Variants in CCDC171 observed in about 807,000 individuals in gnomAD.
CCDC171 encodes the protein coiled-coil domain containing 171, also known as coiled-coil domain-containing protein 171.
Under a neutral mutation model 168.2 loss-of-function variants are expected in CCDC171, and 177 were observed. That is an observed-to-expected ratio of 1.05 (90% CI 0.93 to 1.19). The LOEUF is 1.19. Among genes scored for constraint, CCDC171 ranks in the 50% most tolerant of loss-of-function variants. The pLI, the probability that CCDC171 is intolerant of heterozygous loss-of-function variation, is 0.00. For missense variants in CCDC171, 1,991 were observed against 1,539.0 expected (o/e 1.29, Z -4.91); for synonymous variants, 687 against 540.8 (o/e 1.27, Z -3.75).
chr9:15,631,235 T>C (rs1191530209), intron 7 of CCDC171, among the ~76,000 whole-genome samples: 3 of 151,802 alleles, frequency 2.0e-5, no homozygotes. Flanking sequence ...ATCCAGAAGC[T>C]GGTTTTTTGA....
chr9:15,570,889 A>C (rs2040172028), intron 2 of CCDC171, among the ~76,000 whole-genome samples: 1 of 152,228 alleles, frequency 6.6e-6, no homozygotes, highest in Non-Finnish European at 1.5e-5. Context: ...TATCCTCTCC[A>C]GGGAATAAAC....
Position 15,777,688 on chromosome 9 carries a change from G to C in CCDC171, c.2760G>C (p.Met920Ile). 6.2e-7 allele frequency: 1 copy of C among 1,613,852 alleles called. No homozygotes were observed. Among genetic ancestry groups the C allele is most frequent in the Non-Finnish European group, 8.5e-7 (1 of 1,179,828 alleles). ...TCATGGATAAAATTAGTCTGGTAAT[G>C]GAATGTATACCTCTGCACAGTAGCA... is the stretch of plus-strand genomic sequence containing the variant. ...AKLMDKISLVMECIPLHSSRS... is the reference protein window; with the variant it reads ...AKLMDKISLVIECIPLHSSRS... The change falls in exon 19 of 26, where the codon ATG (methionine) becomes ATC (isoleucine). Residue 920 changes from methionine to isoleucine, a missense_variant. Physicochemically the swap from Met to Ile is conservative, Grantham distance 10 (BLOSUM62 1). Transcript: ENST00000380701.
chr9:15,969,105 G>A (rs948880721), intron 25 of CCDC171, among the ~76,000 whole-genome samples: 1 of 152,134 alleles, frequency 6.6e-6, no homozygotes, highest in Non-Finnish European at 1.5e-5. Context: ...TCAGAAAATA[G>A]TGTGCAAAAA....
At chr9:15,982,620 G>C (rs187770352) in intron 3 of CCDC171, among the ~76,000 whole-genome samples, 29 of 152,224 alleles carry the variant, frequency 1.9e-4, no homozygotes, top group African/African-American at 6.0e-4. Context: ...CCTCTCCTCT[G>C]TTCCTGGGGG....
At chr9:15,711,676 T>C (rs535180839) in intron 11 of CCDC171, among the ~76,000 whole-genome samples, 25 of 152,186 alleles carry the variant, frequency 1.6e-4, no homozygotes, top group Non-Finnish European at 3.2e-4. Flanking sequence ...CCTTATGCAA[T>C]TGTGGGAGGA....
downstream of CCDC171, among the ~76,000 whole-genome samples, chr9:16,064,119 C>G (rs1279366637): frequency 1.3e-5 from 2 of 152,228 alleles, no homozygotes; most frequent in Non-Finnish European, 2.9e-5. Context: ...TAGGCCACCT[C>G]CAACCTAAAT....
At position 15,929,934 on chromosome 9, in the gene CCDC171, G is replaced by A. The variant is rs386471358; in HGVS notation, c.3753+9512G>A. Among the ~76,000 whole-genome samples, 252 of 151,546 alleles carry A rather than the reference G, an allele frequency of 1.7e-3. 1 individual carries two copies. The highest frequency in any genetic ancestry group is 1.9e-3 in the Non-Finnish European group (128 of 67,726). The stretch of plus-strand genomic sequence containing the variant: ...ACTCCTTCTGGTTTTTTTCACCATT[G>A]TTCAATTGGCAGAAGAAGTAAGAGT... On this transcript the variant is annotated intron_variant, in intron 25 of 25. Coordinates refer to ENST00000380701, the MANE Select transcript of CCDC171 (RefSeq NM_173550.4).
chr9:15,737,076 A>T (rs1323386027), intron 16 of CCDC171, among the ~76,000 whole-genome samples: 2 of 150,086 alleles, frequency 1.3e-5, no homozygotes, highest in African/African-American at 4.9e-5. Flanking sequence ...TATTTCTCGG[A>T]TTTTTTTTTT....
intron 24 of CCDC171, among the ~76,000 whole-genome samples, chr9:15,903,630 C>T (rs181059806): frequency 1.3e-5 from 2 of 152,288 alleles, no homozygotes; most frequent in East Asian, 3.9e-4. Context: ...CTCTCCTCCT[C>T]CAAAGGAACT....
chr9:15,859,618 T>G (rs1291699007), intron 23 of CCDC171, among the ~76,000 whole-genome samples: 2 of 140,530 alleles, frequency 1.4e-5, no homozygotes, highest in Non-Finnish European at 3.1e-5. Flanking sequence ...TTTCCCCCTC[T>G]GCCCCCACCC....
intron 21 of CCDC171, among the ~76,000 whole-genome samples, chr9:15,789,072 C>T (rs575130365): frequency 1.3e-5 from 2 of 152,088 alleles, no homozygotes; most frequent in Non-Finnish European, 2.9e-5. Context: ...TCAAAGTTAA[C>T]ACCGTGAGTA....
chr9:15,753,431 A>G (rs1311937486), intron 18 of CCDC171, among the ~76,000 whole-genome samples: 1 of 152,106 alleles, frequency 6.6e-6, no homozygotes, highest in African/African-American at 2.4e-5. Flanking sequence ...AATAAAGGAT[A>G]TTTTCCATTA....
chr9:15,960,669 C>G (rs1830249594), intron 25 of CCDC171, among the ~76,000 whole-genome samples: 1 of 152,148 alleles, frequency 6.6e-6, no homozygotes, highest in Non-Finnish European at 1.5e-5. Context: ...TCATTGCCAA[C>G]TAAGTGATTT....
At chr9:15,580,781 G>A (rs1014169957) in intron 4 of CCDC171, among the ~76,000 whole-genome samples, 1 of 152,058 alleles carries the variant, frequency 6.6e-6, no homozygotes, top group African/African-American at 2.4e-5. Context: ...ACTGCTGGTG[G>A]GAATGTAAAT....
intron 23 of CCDC171, among the ~76,000 whole-genome samples, chr9:15,869,532 T>G (rs2061940566): frequency 6.6e-6 from 1 of 151,764 alleles, no homozygotes; most frequent in African/African-American, 2.4e-5. Context: ...TTGTTTGTTT[T>G]TGTTTTTTTT....
intron 11 of CCDC171, among the ~76,000 whole-genome samples, chr9:15,710,723 G>C (rs1029919158): frequency 6.6e-6 from 1 of 152,038 alleles, no homozygotes; most frequent in African/African-American, 2.4e-5. Flanking sequence ...ATCCTCCCGC[G>C]TACCTGAGAC....
chr9:15,627,861 C>A (rs965646014), intron 7 of CCDC171, among the ~76,000 whole-genome samples: 2 of 152,100 alleles, frequency 1.3e-5, no homozygotes, highest in African/African-American at 4.8e-5. Flanking sequence ...GAGTTCAATT[C>A]CTGGATATCC....
At chr9:15,586,693 G>C (rs553446365) in intron 4 of CCDC171, among the ~76,000 whole-genome samples, 14 of 152,182 alleles carry the variant, frequency 9.2e-5, no homozygotes, top group Non-Finnish European at 1.9e-4. Context: ...AAGTCAGGAG[G>C]TTTAATCCCT....
At chr9:15,678,249 A>G (rs2049781770) in intron 9 of CCDC171, among the ~76,000 whole-genome samples, 1 of 151,964 alleles carries the variant, frequency 6.6e-6, no homozygotes, top group African/African-American at 2.4e-5. Flanking sequence ...GAATCCTTTG[A>G]AAAGAAATTC....
Sources: gnomAD v4.1 joint callset for allele counts (sites outside exome capture counted in the v4.1 genomes callset) on GRCh38, gnomAD v4.1.1 for gene constraint, MANE v1.5 for transcripts, NCBI Gene and HGNC (gene_info 2026-07-23, HGNC 2026-07-21) for gene names.